LPGAT1: variants seen among roughly 807,000 people sequenced by gnomAD.
LPGAT1 encodes the protein lysophosphatidylglycerol acyltransferase 1.
Under a neutral mutation model 47.5 loss-of-function variants are expected in LPGAT1, and 11 were observed. That is an observed-to-expected ratio of 0.23 (90% CI 0.15 to 0.38). The LOEUF is 0.38. Among genes scored for constraint, LPGAT1 ranks in the 10% least tolerant of loss-of-function variants. The probability of loss-of-function intolerance (pLI) is 1.00; values close to 1 mark genes in which losing one functional copy is unlikely to be tolerated. For synonymous variants in LPGAT1, 138 were observed against 144.2 expected (o/e 0.96, Z 0.31); for missense variants, 293 against 439.0 (o/e 0.67, Z 2.97).
In LPGAT1 at chr1:211,830,485, G is replaced by T. The variant is rs567813463; in HGVS notation, c.-28+88C>A. The T allele has an allele frequency of 7.1e-3, 8,397 of 1,187,764 alleles. 29 individuals carry two copies. The highest frequency in any genetic ancestry group is 8.2e-3 in the Non-Finnish European group (7,824 of 958,104). The allele number at this position is 1,187,764 out of a possible 1,614,324, so 73.6% of individuals were successfully genotyped here. On this transcript the variant is annotated intron_variant, in intron 1 of 7. Transcript: ENST00000366997. This position sits in a 1 kb window ranked among gnomAD's most constrained non-coding sequence, Gnocchi z 5.9. Reference sequence around the variant, plus strand: ...CTGCCGCCTCCCCGGGCCACGCGACGACGACACCCCCTTCCCCGCCCCCAG... The same window carrying T: ...CTGCCGCCTCCCCGGGCCACGCGACTACGACACCCCCTTCCCCGCCCCCAG...
chr1:211,802,286 C>T (rs1397815272), intron 2 of LPGAT1, among the ~76,000 whole-genome samples: 3 of 151,808 alleles, frequency 2.0e-5, no homozygotes, highest in South Asian at 2.1e-4. Flanking sequence ...ACAAAACAGG[C>T]GATAGCTACG....
rs144173750 is a variant in LPGAT1 at position 211,772,844 on chromosome 1, C to T, written c.854+6074G>A. 6.2e-3 allele frequency among the ~76,000 whole-genome samples: 936 copies of T among 152,188 alleles called. 8 individuals are homozygous for T. The highest frequency in any genetic ancestry group is 0.021 in the African/African-American group (889 of 41,520). On this transcript the variant is annotated intron_variant, in intron 6 of 7. Transcript: ENST00000366997. ...ACAGCCCCTAAAATGTATAAAAACT[C>T]ATGACTGTTTTGTTGTCTTAGGGAG... is the stretch of plus-strand genomic sequence containing the variant.
At chr1:211,759,504 T>C (rs907884544) in intron 6 of LPGAT1, among the ~76,000 whole-genome samples, 3 of 152,220 alleles carry the variant, frequency 2.0e-5, no homozygotes, top group Non-Finnish European at 4.4e-5. Flanking sequence ...ATTTCTACCA[T>C]ATGTTTCCTA....
intron 2 of LPGAT1, among the ~76,000 whole-genome samples, chr1:211,797,375 C>T (rs2102563161): frequency 6.8e-6 from 1 of 146,812 alleles, no homozygotes; most frequent in South Asian, 2.1e-4. Context: ...GTCTCAGCCT[C>T]CCAAGGTGCT....
intron 3 of LPGAT1, among the ~76,000 whole-genome samples, chr1:211,790,897 C>A (rs1659084315): frequency 6.6e-6 from 1 of 152,042 alleles, no homozygotes; most frequent in African/African-American, 2.4e-5. Flanking sequence ...CATTGTAGGC[C>A]CTCAGGATAA....
Position 211,747,064 on chromosome 1 carries a change from C to T in LPGAT1, c.*2835G>A, listed in dbSNP as rs1161428972. ...CTGGCATAGTTTTATCTTCTTTCCT[C>T]TTGACAAAATATATATACTTTAAAC... On this transcript the variant is annotated 3_prime_UTR_variant, in exon 8 of 8. Coordinates refer to ENST00000366997, the MANE Select transcript of LPGAT1 (RefSeq NM_014873.3). 6.6e-6 allele frequency: 1 copy of T among 152,206 alleles called. No homozygotes were observed. Among genetic ancestry groups the T allele is most frequent in the Non-Finnish European group, 1.5e-5 (1 of 68,028 alleles). The allele number at this position is 152,206 out of a possible 1,614,324, so 9.4% of individuals were successfully genotyped here.
intron 2 of LPGAT1, among the ~76,000 whole-genome samples, chr1:211,812,882 G>C (rs1047302144): frequency 6.6e-6 from 1 of 152,186 alleles, no homozygotes; most frequent in Non-Finnish European, 1.5e-5. Flanking sequence ...ACCTTGATTT[G>C]AATGTCGGGC....
chr1:211,798,796 G>C (rs1659452012), intron 2 of LPGAT1, among the ~76,000 whole-genome samples: 1 of 152,340 alleles, frequency 6.6e-6, no homozygotes, highest in Non-Finnish European at 1.5e-5. Context: ...GTCCAGGTTT[G>C]AGGCAGACAG....
At chr1:211,788,519 C>T (rs776721488) in intron 3 of LPGAT1, among the ~76,000 whole-genome samples, 1 of 151,856 alleles carries the variant, frequency 6.6e-6, no homozygotes, top group Non-Finnish European at 1.5e-5. Flanking sequence ...CCCATCTCTA[C>T]TAAAATACAA....
chr1:211,794,829 T>C (rs1659282723), intron 2 of LPGAT1, among the ~76,000 whole-genome samples: 2 of 152,224 alleles, frequency 1.3e-5, no homozygotes, highest in African/African-American at 4.8e-5. Flanking sequence ...TAGAAGCCAA[T>C]TTTGCACTAT....
intron 2 of LPGAT1, among the ~76,000 whole-genome samples, chr1:211,814,239 A>G (rs1476917914): frequency 2.0e-5 from 3 of 152,230 alleles, no homozygotes. Context: ...GCACTGGAGG[A>G]AATCTCAGCC....
intron 4 of LPGAT1, among the ~76,000 whole-genome samples, chr1:211,786,089 G>T (rs1658867547): frequency 6.6e-6 from 1 of 152,190 alleles, no homozygotes; most frequent in Non-Finnish European, 1.5e-5. Context: ...TAGGATCTTT[G>T]TTAAGTTGTC....
At chr1:211,812,131 G>A (rs1660012532) in intron 2 of LPGAT1, among the ~76,000 whole-genome samples, 1 of 152,198 alleles carries the variant, frequency 6.6e-6, no homozygotes, top group Admixed American at 6.5e-5. Context: ...CAATCAAGGT[G>A]TTTCTTCTCA....
intron 2 of LPGAT1, among the ~76,000 whole-genome samples, chr1:211,817,256 C>T (rs1323675570): frequency 6.6e-6 from 1 of 152,160 alleles, no homozygotes. Context: ...ACATGCAGTT[C>T]ATAACGAACT....
chr1:211,813,576 A>G (rs1660072143), intron 2 of LPGAT1, among the ~76,000 whole-genome samples: 1 of 152,238 alleles, frequency 6.6e-6, no homozygotes, highest in African/African-American at 2.4e-5. Flanking sequence ...CGAAAATTTT[A>G]TTGACAAAAT....
At chr1:211,779,807 G>A (rs988069984) in intron 5 of LPGAT1, among the ~76,000 whole-genome samples, 5 of 150,386 alleles carry the variant, frequency 3.3e-5, no homozygotes, top group African/African-American at 7.4e-5. Context: ...AGCCAAGATC[G>A]CCATCACTGC....
chr1:211,772,272 A>T (rs1040384057), intron 6 of LPGAT1, among the ~76,000 whole-genome samples: 1 of 152,188 alleles, frequency 6.6e-6, no homozygotes, highest in Non-Finnish European at 1.5e-5. Flanking sequence ...TGAACTTTCT[A>T]ATCTCTCCAT....
In LPGAT1 at chr1:211,747,822, G is replaced by A. The variant is rs1351861964; in HGVS notation, c.*2077C>T. ...TTGAGATTGGTTTCATTTATTCACC[G>A]ACACTGTAGAACACATAATGAAATG... On this transcript the variant is annotated 3_prime_UTR_variant, in exon 8 of 8. Coordinates refer to ENST00000366997, the MANE Select transcript of LPGAT1 (RefSeq NM_014873.3). 1.3e-5 allele frequency: 2 copies of A among 152,404 alleles called. No homozygotes were observed. Among genetic ancestry groups the A allele is most frequent in the African/African-American group, 2.4e-5 (1 of 41,376 alleles). 9.4% of individuals were successfully genotyped at this position (152,404 alleles called of 1,614,324 possible). A position where few individuals can be genotyped will look rare whatever the true frequency, so the allele number is the denominator to read the frequency against.
chr1:211,756,940 G>A (rs1657486013), intron 6 of LPGAT1, among the ~76,000 whole-genome samples: 2 of 146,872 alleles, frequency 1.4e-5, no homozygotes, highest in South Asian at 4.3e-4. Flanking sequence ...AATCCCAGAA[G>A]ACAGTGTGGC....
Sources: allele counts gnomAD v4.1 joint callset (sites outside exome capture counted in the v4.1 genomes callset), GRCh38; gene constraint gnomAD v4.1.1; non-coding constraint Gnocchi (gnomAD v3.1); transcripts MANE v1.5; gene names NCBI Gene and HGNC (gene_info 2026-07-23, HGNC 2026-07-21).